The following KLC1 variants were observed in gnomAD, a reference collection of about 807,000 sequenced individuals.
KLC1 encodes the protein kinesin light chain 1.
KLC1 carries 30 observed loss-of-function variants against 84.2 expected under a neutral mutation model. The observed-to-expected ratio is 0.36, with a 90% CI of 0.27 to 0.48. KLC1 has a LOEUF of 0.48. KLC1 is among the 20% of genes least tolerant of loss of function. The pLI is 0.99. For missense variants in KLC1, 499 were observed against 805.4 expected, an observed-to-expected ratio of 0.62 and a Z score of 4.60; for synonymous variants, 289 against 293.3, an observed-to-expected ratio of 0.99 and a Z score of 0.15.
intron 15 of KLC1, chr14:103,697,864 G>A (rs927004485): frequency 2.7e-5 from 4 of 147,216 alleles, no homozygotes; most frequent in African/African-American, 1.1e-4. Context: ...GGTCTGCACA[G>A]TGTGGGACTG....
intron 4 of KLC1, among the ~76,000 whole-genome samples, chr14:103,662,405 G>C (rs768303921): frequency 6.6e-6 from 1 of 152,118 alleles, no homozygotes; most frequent in Non-Finnish European, 1.5e-5. Flanking sequence ...CGGCATGCAC[G>C]TGCAGTTCAG....
intron 5 of KLC1, among the ~76,000 whole-genome samples, chr14:103,669,014 G>A (rs565345400): frequency 5.9e-5 from 9 of 151,586 alleles, no homozygotes; most frequent in East Asian, 2.0e-4. Context: ...TCCTGACCTC[G>A]TGATCTGCCC....
chr14:103,636,789 C>G (rs140016698), intron 1 of KLC1, among the ~76,000 whole-genome samples: 1 of 151,920 alleles, frequency 6.6e-6, no homozygotes, highest in African/African-American at 2.4e-5. Flanking sequence ...GTGGCGCGAT[C>G]TCGGCTCACT....
intron 1 of KLC1, among the ~76,000 whole-genome samples, chr14:103,638,822 G>A (rs2077257671): frequency 6.6e-6 from 1 of 151,620 alleles, no homozygotes; most frequent in African/African-American, 2.4e-5. Context: ...AGTGGTGTGT[G>A]TATGTATGAA....
rs754865284 is a variant in KLC1 at position 103,657,528 on chromosome 14, A to G, written c.262-18A>G. 1.9e-6 allele frequency: 3 copies of G among 1,605,128 alleles called. No homozygotes were observed. In the Admixed American group the frequency reaches 5.0e-5, roughly 27 times the overall value. On this transcript the variant is annotated intron_variant, in intron 2 of 16. Transcript: ENST00000334553. ...TGGACAACGTGCCACAGTGCTGCAC[A>G]CGTTTCTGTCTGCTCAGGTTATGAT...
rs1327820538 is a variant in KLC1 at position 103,654,757 on chromosome 14, G to T, written c.193G>T (p.Val65Leu). Residue 65 changes from valine to leucine, a missense_variant, in exon 2 of 17, where the codon GTG (valine) becomes TTG (leucine). Around this residue, in one of 3 missense-constraint regions of KLC1, gnomAD observed 179 missense variants for 264.2 expected, o/e 0.68. Transcript: ENST00000334553. ...GAAGAAAGATGATGAAAGTAATTTGGTGGAGGAGAAATCAAACATGATCCG... is the reference window on the plus strand; with the variant it reads ...GAAGAAAGATGATGAAAGTAATTTGTTGGAGGAGAAATCAAACATGATCCG... ...CLKKDDESNL[V>L]EEKSNMIRKS... The T allele has an allele frequency of 6.2e-7, 1 of 1,614,196 alleles. No individual in the cohort carries two copies. Among genetic ancestry groups the T allele is most frequent in the Non-Finnish European group, 8.5e-7 (1 of 1,180,028 alleles).
chr14:103,683,376 AGCC>A (rs1301877635), intron 13 of KLC1: 1 of 152,210 alleles, frequency 6.6e-6, no homozygotes, highest in Admixed American at 6.5e-5. Context: ...CAGATCTGGA[AGCC>A]GCCGTCACCG....
chr14:103,665,400 G>T (rs1329130776), intron 5 of KLC1, among the ~76,000 whole-genome samples: 1 of 151,952 alleles, frequency 6.6e-6, no homozygotes, highest in Non-Finnish European at 1.5e-5. Context: ...CTGTCTGTCT[G>T]TCTGTCTTTC....
At chr14:103,673,214 G>C (rs950427041) in intron 8 of KLC1, 27 bp downstream of exon 8, 1 of 1,598,524 alleles carries the variant, frequency 6.3e-7, no homozygotes, top group Admixed American at 1.8e-5. Context: ...GCACTAGGGA[G>C]GGGGCCAGGA....
In KLC1 at chr14:103,673,449, G is replaced by A. The variant is rs1444559265; in HGVS notation, c.1261+18G>A. ...TGTAGATGGTAAGAAATATACTCCC[G>A]TTTCAAGTGAATTTAATTGTATAAT... is the stretch of plus-strand genomic sequence containing the variant. On this transcript the variant is annotated intron_variant, in intron 9 of 16. Coordinates refer to ENST00000334553, the MANE Select transcript of KLC1 (RefSeq NM_001394837.1). 1.2e-5 allele frequency: 18 copies of A among 1,440,656 alleles called. No individual in the cohort carries two copies. The highest frequency in any genetic ancestry group is 3.7e-5 in the South Asian group (3 of 81,876). The allele number at this position is 1,440,656 out of a possible 1,614,324, so 89.2% of individuals were successfully genotyped here.
intron 13 of KLC1, chr14:103,686,474 C>T (rs2081787166): frequency 6.5e-6 from 1 of 152,980 alleles, no homozygotes; most frequent in South Asian, 2.1e-4. Flanking sequence ...TCTCACCTCC[C>T]TACAAGGTTG....
chr14:103,635,724 G>T (rs762800047), intron 1 of KLC1, among the ~76,000 whole-genome samples: 3 of 151,868 alleles, frequency 2.0e-5, no homozygotes, highest in Non-Finnish European at 4.4e-5. Flanking sequence ...CGGCACTCCA[G>T]CCTGGGCGAC....
chr14:103,640,676 T>A (rs1377767052), intron 1 of KLC1, among the ~76,000 whole-genome samples: 1 of 151,786 alleles, frequency 6.6e-6, no homozygotes, highest in Non-Finnish European at 1.5e-5. Flanking sequence ...ATTCTTAATA[T>A]ACATATTGTA....
At chr14:103,677,612 A>C in intron 12 of KLC1, 89 bp downstream of exon 12, 1 of 792,928 alleles carries the variant, frequency 1.3e-6, no homozygotes, top group Non-Finnish European at 2.1e-6. Context: ...AGCTTGATTT[A>C]GAAATAGAAA....
intron 1 of KLC1, among the ~76,000 whole-genome samples, chr14:103,639,172 C>CT (rs1252442198): frequency 4.0e-5 from 6 of 151,872 alleles, no homozygotes; most frequent in Non-Finnish European, 7.4e-5. Context: ...TTCTTCTTTC[C>CT]TTTTTTTTGA....
In KLC1 at chr14:103,699,721, T is replaced by C. The variant is rs9282879; in HGVS notation, c.1849-934T>C. The C allele has an allele frequency of 1.3e-3, 1,004 of 765,290 alleles. 8 individuals are homozygous for C. In the East Asian group the frequency reaches 0.017, roughly 13 times the overall value. 47.4% of individuals were successfully genotyped at this position (765,290 alleles called of 1,614,324 possible). A position where few individuals can be genotyped will look rare whatever the true frequency, so the allele number is the denominator to read the frequency against. On this transcript the variant is annotated intron_variant, in intron 15 of 16. Transcript: ENST00000334553. ...TGCCCATACTCTGTAGTCCCCATAC[T>C]CTGAGCCCAATTCTGTATTTTTCTC...
At chr14:103,629,548 G>A (rs3742464) in intron 1 of KLC1, 54 bp downstream of exon 1, 2,628 of 152,706 alleles carry the variant, frequency 0.017, 70 homozygotes, top group African/African-American at 0.056. Flanking sequence ...CCTCCGCCCC[G>A]TCCCTGTCCC....
rs143920537 is a variant in KLC1, at chr14:103,630,942, G to A, written c.-2+1448G>A. Among the ~76,000 whole-genome samples, 604 of 152,266 alleles carry A rather than the reference G, an allele frequency of 4.0e-3. 4 individuals carry two copies. Among genetic ancestry groups the A allele is most frequent in the African/African-American group, 0.014 (579 of 41,540 alleles). On this transcript the variant is annotated intron_variant, in intron 1 of 16. Coordinates refer to ENST00000334553, the MANE Select transcript of KLC1 (RefSeq NM_001394837.1). ...CTAACCCTACTGCAGCCTTGGCATT[G>A]TCTTAGAGAAAAGCATCCAGACATG...
chr14:103,629,662 G>T (rs1200280699), intron 1 of KLC1, among the ~76,000 whole-genome samples, 168 bp downstream of exon 1: 1 of 141,814 alleles, frequency 7.1e-6, no homozygotes, highest in African/African-American at 2.5e-5. Context: ...ACCCGCCCCA[G>T]TTCACCGCCC....
Sources: gnomAD v4.1 joint callset for allele counts (sites outside exome capture counted in the v4.1 genomes callset) on GRCh38, gnomAD v4.1.1 for gene constraint, gnomAD v4.1.1 regional missense constraint, MANE v1.5 for transcripts, NCBI Gene and HGNC (gene_info 2026-07-23, HGNC 2026-07-21) for gene names.